PRKN: variants seen among roughly 807,000 people sequenced by gnomAD.
PRKN encodes parkin RBR E3 ubiquitin protein ligase, also known as E3 ubiquitin-protein ligase parkin.
In PRKN, 56 loss-of-function variants were observed where a neutral mutation model predicts 59.5. The observed-to-expected ratio is 0.94, with a 90% confidence interval of 0.76 to 1.18. PRKN has a LOEUF of 1.18. PRKN is among the 50% of genes most tolerant of loss of function. The pLI, the probability that PRKN is intolerant of heterozygous loss-of-function variation, is 0.00. For missense variants in PRKN, 657 were observed against 596.4 expected (o/e 1.10, Z -1.06); for synonymous variants, 250 against 222.1 (o/e 1.13, Z -1.12).
At chr6:162,007,533 G>T (rs1443697381) in intron 5 of PRKN, among the ~76,000 whole-genome samples, 2 of 152,080 alleles carry the variant, frequency 1.3e-5, no homozygotes, top group Non-Finnish European at 2.9e-5. Flanking sequence ...GTTTTGCAGG[G>T]TCTCCAAGTC....
At chr6:162,690,077 A>ATTAGAATGTCCTCCATTAT in intron 1 of PRKN, among the ~76,000 whole-genome samples, 1 of 146,432 alleles carries the variant, frequency 6.8e-6, no homozygotes, top group African/African-American at 2.5e-5. Context: ...ATATATTGTT[A>ATTAGAATGTCCTCCATTAT]TTAGAATGTA....
At chr6:161,514,744 CT>C (rs1457074995) in intron 9 of PRKN, among the ~76,000 whole-genome samples, 1 of 152,070 alleles carries the variant, frequency 6.6e-6, no homozygotes, top group Non-Finnish European at 1.5e-5. Context: ...TGAAAGAAAA[CT>C]TTGTTGCTGT....
intron 1 of PRKN, among the ~76,000 whole-genome samples, chr6:162,514,007 C>T (rs2128191277): frequency 6.6e-6 from 1 of 151,990 alleles, no homozygotes; most frequent in East Asian, 1.9e-4. Context: ...GATTGCACCA[C>T]TGCACTCTAG....
rs562799618 is a variant in PRKN at position 161,697,419 on chromosome 6, T to C, written c.871+88353A>G. Among the ~76,000 whole-genome samples the C allele has an allele frequency of 2.3e-4, 35 of 152,312 alleles. 1 individual carries two copies. The South Asian group carries it at 3.7e-3, about 16-fold the overall frequency. On this transcript the variant is annotated intron_variant, in intron 7 of 11. Coordinates refer to ENST00000366898, the MANE Select transcript of PRKN (RefSeq NM_004562.3). ...GTAGCAACTGTGCTCTAGCAGGCTGTTGCTTCAGTAAGAGCACTCTTTACT... is the reference window on the plus strand; with the variant it reads ...GTAGCAACTGTGCTCTAGCAGGCTGCTGCTTCAGTAAGAGCACTCTTTACT...
chr6:161,639,350 C>T (rs1783652187), intron 7 of PRKN, among the ~76,000 whole-genome samples: 1 of 152,148 alleles, frequency 6.6e-6, no homozygotes. Context: ...ACGTTCACAT[C>T]TTGAAAAGCA....
Position 161,480,476 on chromosome 6 carries a change from G to A in PRKN, c.1083+68378C>T, listed in dbSNP as rs758280118. ...AGAAAATTGAGAGCTTAAACAGCTT[G>A]CTTAAAATAGCAGACTCACAAAATG... On this transcript the variant is annotated intron_variant, in intron 9 of 11. Transcript: ENST00000366898. This position sits in a 1 kb window ranked among gnomAD's most constrained non-coding sequence, Gnocchi z 4.1. Among the ~76,000 whole-genome samples the A allele has an allele frequency of 6.6e-5, 10 of 152,176 alleles. No homozygotes were observed. The highest frequency in any genetic ancestry group is 1.5e-4 in the Non-Finnish European group (10 of 68,034).
chr6:162,676,613 G>A (rs1354186443), intron 1 of PRKN, among the ~76,000 whole-genome samples: 2 of 152,042 alleles, frequency 1.3e-5, no homozygotes, highest in Non-Finnish European at 2.9e-5. Flanking sequence ...CATGACCTGT[G>A]GTAAACAGAG....
rs1429020285 is a variant in PRKN, at chr6:161,393,433, G to A, written c.1084-6556C>T. On this transcript the variant is annotated intron_variant, in intron 9 of 11. Coordinates refer to ENST00000366898, the MANE Select transcript of PRKN (RefSeq NM_004562.3). The surrounding 1 kb of genome is among the most constrained non-coding windows in gnomAD (Gnocchi z 4.7). ...CTCTCTTTGCTGGTATACATGCTGAGGTAAGTCACTGTCAGCCCCCTTAGA... is the reference window on the plus strand; with the variant it reads ...CTCTCTTTGCTGGTATACATGCTGAAGTAAGTCACTGTCAGCCCCCTTAGA... 1.3e-5 allele frequency among the ~76,000 whole-genome samples: 2 copies of A among 152,114 alleles called. No individual in the cohort carries two copies. Among genetic ancestry groups the A allele is most frequent in the East Asian group, 1.9e-4 (1 of 5,194 alleles).
chr6:162,638,139 C>T (rs968651403), intron 1 of PRKN, among the ~76,000 whole-genome samples: 2 of 150,592 alleles, frequency 1.3e-5, no homozygotes, highest in African/African-American at 4.9e-5. Context: ...AATGTAATTC[C>T]TCTATGTAAG....
At chr6:162,645,871 T>A (rs34533163) in intron 1 of PRKN, among the ~76,000 whole-genome samples, 9 of 121,900 alleles carry the variant, frequency 7.4e-5, no homozygotes, top group South Asian at 5.2e-4. Flanking sequence ...ACTTTCTCTT[T>A]TTTTTTTTTT....
At chr6:162,262,007 T>A (rs535296713) in intron 3 of PRKN, among the ~76,000 whole-genome samples, 14 of 152,184 alleles carry the variant, frequency 9.2e-5, no homozygotes, top group Non-Finnish European at 1.6e-4. Context: ...TTGTGTCTTC[T>A]GTCAAACACA....
chr6:162,088,121 C>A (rs991659290), intron 4 of PRKN, among the ~76,000 whole-genome samples: 1 of 152,140 alleles, frequency 6.6e-6, no homozygotes, highest in Non-Finnish European at 1.5e-5. Flanking sequence ...ACAATATTAT[C>A]CACAGTCTCA....
intron 6 of PRKN, among the ~76,000 whole-genome samples, chr6:161,951,569 T>C (rs1779990719): frequency 6.6e-6 from 1 of 152,158 alleles, no homozygotes; most frequent in Admixed American, 6.5e-5. Context: ...AAAAGAAAGA[T>C]CACTCCACTC....
rs749892002 is a variant in PRKN at position 162,479,757 on chromosome 6, G to GTTTTTTTTT, written c.8-36293_8-36285dup. Among the ~76,000 whole-genome samples the GTTTTTTTTT allele has an allele frequency of 1.6e-4, 24 of 148,538 alleles. 4 individuals are homozygous for GTTTTTTTTT. The highest frequency in any genetic ancestry group is 1.2e-4 in the Non-Finnish European group (8 of 67,294). On this transcript the variant is annotated intron_variant, in intron 1 of 11. Coordinates refer to ENST00000366898, the MANE Select transcript of PRKN (RefSeq NM_004562.3). ...GCCTGAGGCTGTTTTACAGTTATCT[G>GTTTTTTTTT]TTTTTTTTTCTCAAAAATAATTAGT...
chr6:162,546,584 C>T (rs887951360), intron 1 of PRKN, among the ~76,000 whole-genome samples: 20 of 151,732 alleles, frequency 1.3e-4, no homozygotes, highest in South Asian at 2.1e-4. Context: ...GCTGGGATTA[C>T]AGGAGTGTGC....
At chr6:162,446,389 T>C (rs1790318538) in intron 1 of PRKN, among the ~76,000 whole-genome samples, 1 of 152,302 alleles carries the variant, frequency 6.6e-6, no homozygotes, top group Non-Finnish European at 1.5e-5. Context: ...AAGTTTATGA[T>C]TTTGCTCCAG....
At chr6:162,288,755 T>C (rs1781304904) in intron 2 of PRKN, among the ~76,000 whole-genome samples, 1 of 152,192 alleles carries the variant, frequency 6.6e-6, no homozygotes, top group African/African-American at 2.4e-5. Flanking sequence ...TTTTCTACCA[T>C]GATACCATTT....
At chr6:162,447,448 GAAAC>G (rs1269771875) in intron 1 of PRKN, among the ~76,000 whole-genome samples, 1 of 151,992 alleles carries the variant, frequency 6.6e-6, no homozygotes, top group African/African-American at 2.4e-5. Flanking sequence ...TATAGTATCA[GAAAC>G]AAACAACATA....
rs923245278 is a variant in PRKN, at chr6:161,488,695, C to T, written c.1083+60159G>A. Among the ~76,000 whole-genome samples the T allele has an allele frequency of 2.0e-5, 3 of 152,044 alleles. No individual in the cohort carries two copies. Among genetic ancestry groups the T allele is most frequent in the Non-Finnish European group, 4.4e-5 (3 of 68,014 alleles). ...AGAGGTGGGGTCTCACTATGTTGCCCAGGCTGGTCTTGAACTCGGCCTCAA... is the reference window on the plus strand; with the variant it reads ...AGAGGTGGGGTCTCACTATGTTGCCTAGGCTGGTCTTGAACTCGGCCTCAA... On this transcript the variant is annotated intron_variant, in intron 9 of 11. Coordinates refer to ENST00000366898, the MANE Select transcript of PRKN (RefSeq NM_004562.3). The surrounding 1 kb of genome is among the most constrained non-coding windows in gnomAD (Gnocchi z 4.5).
Sources: gnomAD v4.1 joint callset for allele counts (sites outside exome capture counted in the v4.1 genomes callset) on GRCh38, gnomAD v4.1.1 for gene constraint, Gnocchi (gnomAD v3.1) non-coding constraint, MANE v1.5 for transcripts, NCBI Gene and HGNC (gene_info 2026-07-23, HGNC 2026-07-21) for gene names.